CFTR: variants seen among roughly 807,000 people sequenced by gnomAD.
The protein encoded by CFTR is CF transmembrane conductance regulator, also known as cystic fibrosis transmembrane conductance regulator.
In CFTR, 181 loss-of-function variants were observed where a neutral mutation model predicts 171.6. The observed-to-expected ratio is 1.05, with a 90% CI of 0.93 to 1.19. The LOEUF (loss-of-function observed/expected upper bound fraction) is 1.19. CFTR is among the 50% of genes most tolerant of loss of function. The pLI is 0.00. For missense variants in CFTR, 1,968 were observed against 1,734.7 expected, an observed-to-expected ratio of 1.13 and a Z score of -2.39; for synonymous variants, 583 against 608.0, an observed-to-expected ratio of 0.96 and a Z score of 0.60.
At chr7:117,535,507 G>T in intron 6 of CFTR, 96 bp downstream of exon 6, 51 of 827,904 alleles carry the variant, frequency 6.2e-5, no homozygotes, top group Non-Finnish European at 8.3e-5. Context: ...ATAGAACAGT[G>T]ATCTTCAGTG....
chr7:117,666,795 C>CTG, intron 26 of CFTR, 113 bp from the exon 27 acceptor site: 1 of 882,248 alleles, frequency 1.1e-6, no homozygotes, highest in Non-Finnish European at 1.9e-6. Flanking sequence ...ATGCAAGGCT[C>CTG]TGGACATTGC....
At chr7:117,515,734 A>T (rs1252442037) in intron 3 of CFTR, among the ~76,000 whole-genome samples, 1 of 152,330 alleles carries the variant, frequency 6.6e-6, no homozygotes, top group East Asian at 1.9e-4. Context: ...ATTATAAATT[A>T]CTTTGGGCAG....
intron 3 of CFTR, among the ~76,000 whole-genome samples, chr7:117,518,222 T>C (rs1405001041): frequency 1.3e-5 from 2 of 150,496 alleles, no homozygotes; most frequent in East Asian, 1.9e-4. Flanking sequence ...AATTTAAATA[T>C]ATGGAAGGAA....
chr7:117,606,467 TTAAAAG>T (rs1792301786), intron 17 of CFTR, among the ~76,000 whole-genome samples: 2 of 152,160 alleles, frequency 1.3e-5, no homozygotes, highest in African/African-American at 4.8e-5. Context: ...TTAAAAAGGT[TTAAAAG>T]TAAAAGACAA....
intron 3 of CFTR, among the ~76,000 whole-genome samples, chr7:117,515,817 C>A (rs1348745826): frequency 6.6e-6 from 1 of 152,068 alleles, no homozygotes; most frequent in Non-Finnish European, 1.5e-5. Context: ...TGTGTTCTCT[C>A]TTATTTCCTT....
chr7:117,520,749 A>G (rs1798672232), intron 3 of CFTR, among the ~76,000 whole-genome samples: 1 of 151,914 alleles, frequency 6.6e-6, no homozygotes, highest in Non-Finnish European at 1.5e-5. Flanking sequence ...TTTCTTCCAA[A>G]TGAAATTTAT....
At position 117,594,951 on chromosome 7, in the gene CFTR, G is replaced by T; in HGVS notation, c.2512G>T (p.Glu838Ter). Residue 838 changes from glutamate (E) to a stop codon, truncating the protein, a stop_gained, in exon 15 of 27, where the codon GAG becomes TAG. Transcript: ENST00000003084. LOFTEE classifies it high-confidence loss of function. ...TCAGGAGTGCTTTTTTGATGATATG[G>T]AGAGCATACCAGCAGTGACTACATG... ...DLKECFFDDM[E>*]SIPAVTTWNT... The T allele has an allele frequency of 6.2e-7, 1 of 1,612,820 alleles. No individual in the cohort carries two copies.
At chr7:117,665,722 T>G (rs1304987691) in intron 26 of CFTR, among the ~76,000 whole-genome samples, 158 bp downstream of exon 26, 1 of 152,196 alleles carries the variant, frequency 6.6e-6, no homozygotes, top group Non-Finnish European at 1.5e-5. Flanking sequence ...GCTGCACAAG[T>G]TTTTCACTTT....
chr7:117,517,817 G>A (rs1035190237), intron 3 of CFTR, among the ~76,000 whole-genome samples: 4 of 141,560 alleles, frequency 2.8e-5, no homozygotes, highest in Admixed American at 2.2e-4. Flanking sequence ...GTGATGATGA[G>A]CTTCTTTTCA....
Position 117,559,626 on chromosome 7 carries a change from A to C in CFTR, c.1555A>C (p.Ser519Arg). Residue 519 changes from serine (S) to arginine (R), a missense_variant, in exon 11 of 27, where the codon AGC (serine) becomes CGC (arginine). Ser to Arg is a moderately radical substitution (Grantham distance 110, BLOSUM62 -1). Transcript: ENST00000003084. ...TTCCTATGATGAATATAGATACAGA[A>C]GCGTCATCAAAGCATGCCAACTAGA... is the stretch of plus-strand genomic sequence containing the variant. Reference protein sequence around the residue: ...GVSYDEYRYRSVIKACQLEED... With the variant: ...GVSYDEYRYRRVIKACQLEED... The C allele has an allele frequency of 6.2e-7, 1 of 1,613,434 alleles. No individual in the cohort carries two copies.
chr7:117,613,999 CTTTTTT>C (rs752774658), intron 20 of CFTR, among the ~76,000 whole-genome samples: 6 of 72,486 alleles, frequency 8.3e-5, no homozygotes, highest in South Asian at 5.8e-4. Flanking sequence ...GTACAGTAAT[CTTTTTT>C]TTTTTTTTTT....
chr7:117,643,064 C>T (rs1285529072), intron 23 of CFTR, among the ~76,000 whole-genome samples: 1 of 152,002 alleles, frequency 6.6e-6, no homozygotes, highest in East Asian at 1.9e-4. Context: ...TAGTCTGTAA[C>T]TATTTTTTTT....
chr7:117,658,360 A>C (rs547105766), intron 24 of CFTR, among the ~76,000 whole-genome samples: 1 of 152,296 alleles, frequency 6.6e-6, no homozygotes, highest in Admixed American at 6.5e-5. Flanking sequence ...TACTAAGTAA[A>C]AGTAACTATA....
At chr7:117,519,051 T>C (rs1798645939) in intron 3 of CFTR, among the ~76,000 whole-genome samples, 1 of 152,106 alleles carries the variant, frequency 6.6e-6, no homozygotes, top group Non-Finnish European at 1.5e-5. Flanking sequence ...GTGAAGATGT[T>C]ACCAGTAATA....
rs113183139 is a variant in CFTR at position 117,583,323 on chromosome 7, C to G, written c.1585-4416C>G. On this transcript the variant is annotated intron_variant, in intron 11 of 26. Transcript: ENST00000003084. ...AATATGTAGTCTTTTATCCCCCCCC[C>G]GCTCCACCCTTCCTTTATCGTCCCC... Among the ~76,000 whole-genome samples the G allele has an allele frequency of 5.0e-3, 759 of 151,908 alleles. 3 individuals carry two copies. The highest frequency in any genetic ancestry group is 8.7e-3 in the Non-Finnish European group (592 of 67,968).
chr7:117,612,254 C>CACAA (rs1171321276), intron 20 of CFTR, among the ~76,000 whole-genome samples: 2 of 150,474 alleles, frequency 1.3e-5, no homozygotes, highest in African/African-American at 4.9e-5. Context: ...CACACACACA[C>CACAA]ACACACAGAG....
chr7:117,556,512 CTTTTTTTTTTT>C (rs55700428), intron 10 of CFTR, among the ~76,000 whole-genome samples: 1 of 45,904 alleles, frequency 2.2e-5, no homozygotes, highest in Non-Finnish European at 3.6e-5. Context: ...TGTTTCATTT[CTTTTTTTTTTT>C]TTTTTTTTTT....
chr7:117,623,476 CA>C (rs1306119778), intron 21 of CFTR, among the ~76,000 whole-genome samples: 1 of 152,132 alleles, frequency 6.6e-6, no homozygotes, highest in African/African-American at 2.4e-5. Context: ...GCTACAATGG[CA>C]CAGTAGTTTT....
intron 22 of CFTR, among the ~76,000 whole-genome samples, chr7:117,639,210 C>T (rs1792876017): frequency 6.6e-6 from 1 of 152,126 alleles, no homozygotes; most frequent in Admixed American, 6.5e-5. Flanking sequence ...TTAACTGAGA[C>T]CTTTAATTTA....
Sources: allele counts gnomAD v4.1 joint callset (sites outside exome capture counted in the v4.1 genomes callset), GRCh38; gene constraint gnomAD v4.1.1; transcripts MANE v1.5; gene names NCBI Gene and HGNC (gene_info 2026-07-23, HGNC 2026-07-21).